RNF122: variants seen among roughly 807,000 people sequenced by gnomAD.
RNF122 encodes ring finger protein 122.
In RNF122, 17 loss-of-function variants were observed where a neutral mutation model predicts 24.2. The observed-to-expected ratio is 0.70, with a 90% CI of 0.48 to 1.06. RNF122 has a LOEUF of 1.06. Among genes scored for constraint, RNF122 ranks in the 50% least tolerant of loss-of-function variants. The pLI is 0.00. For missense variants in RNF122, 168 were observed against 198.1 expected (o/e 0.85, Z 0.91); for synonymous variants, 65 against 71.8 (o/e 0.91, Z 0.48).
At chr8:33,549,829 T>C (rs1810343895) in intron 4 of RNF122, among the ~76,000 whole-genome samples, 3 of 152,160 alleles carry the variant, frequency 2.0e-5, no homozygotes, top group Non-Finnish European at 4.4e-5. Context: ...GAAATTACTG[T>C]CCTAGAAGAA....
At chr8:33,565,080 C>A (rs1258940721) in intron 1 of RNF122, among the ~76,000 whole-genome samples, 2 of 151,956 alleles carry the variant, frequency 1.3e-5, no homozygotes, top group Non-Finnish European at 2.9e-5. Context: ...TGACGTCAGA[C>A]AAGGGCTGGC....
chr8:33,555,339 AT>A (rs1810436228), intron 2 of RNF122, among the ~76,000 whole-genome samples: 2 of 151,154 alleles, frequency 1.3e-5, no homozygotes, highest in African/African-American at 4.9e-5. Context: ...AGTAGCTGGG[AT>A]TACAGGTGCC....
In RNF122 at chr8:33,566,916, G is replaced by A. The variant is rs1810635638; in HGVS notation, c.-193C>T. On this transcript the variant is annotated 5_prime_UTR_variant, in exon 1 of 6. Transcript: ENST00000256257. Reference sequence around the variant, plus strand: ...AGGCTGGTGTTCAGCCCAACAAAGAGGGACGAGGAGGAAACAAACAAAGTC... The same window carrying A: ...AGGCTGGTGTTCAGCCCAACAAAGAAGGACGAGGAGGAAACAAACAAAGTC... The A allele has an allele frequency of 7.9e-6, 5 of 630,288 alleles. No individual in the cohort carries two copies. Among genetic ancestry groups the A allele is most frequent in the Non-Finnish European group, 1.1e-5 (4 of 352,666 alleles). The allele number at this position is 630,288 out of a possible 1,614,324, so 39.0% of individuals were successfully genotyped here.
chr8:33,558,162 C>T (rs544179714), intron 2 of RNF122, among the ~76,000 whole-genome samples: 90 of 152,202 alleles, frequency 5.9e-4, no homozygotes, highest in African/African-American at 1.9e-3. Context: ...CTCTAGACAC[C>T]GGCTTGCTTC....
intron 2 of RNF122, among the ~76,000 whole-genome samples, chr8:33,552,592 GAATATGATCTGGTCTTGGGAC>G (rs1203827823): frequency 2.0e-5 from 3 of 152,102 alleles, no homozygotes; most frequent in African/African-American, 4.8e-5. Context: ...ATAGTCCTGA[GAATATGATCTGGTCTTGGGAC>G]ACACCCTACC....
rs1810628926 is a variant in RNF122 at position 33,566,640 on chromosome 8, C to A, written c.25+59G>T. 3 of 1,552,268 alleles carry A rather than the reference C, an allele frequency of 1.9e-6. No homozygotes were observed. In the South Asian group the frequency reaches 3.5e-5, roughly 18 times the overall value. On this transcript the variant is annotated intron_variant, in intron 1 of 5. Coordinates refer to ENST00000256257, the MANE Select transcript of RNF122 (RefSeq NM_024787.3). ...CAGCGCGCTGCTGTCCGACCTCGCA[C>A]CCCGCGCCGCGGCTCCCACCAGCCC... is the stretch of plus-strand genomic sequence containing the variant.
chr8:33,548,484 G>A lies in RNF122; in HGVS notation c.*269C>T. 2.9e-6 allele frequency: 1 copy of A among 347,312 alleles called. No individual in the cohort carries two copies. 21.5% of individuals were successfully genotyped at this position (347,312 alleles called of 1,614,324 possible). Reference sequence around the variant, plus strand: ...TTCCCCCAGAACAGGGACAAGGCAGGTAGATAGTCCAGTACCAGGAGACAG... The same window carrying A: ...TTCCCCCAGAACAGGGACAAGGCAGATAGATAGTCCAGTACCAGGAGACAG... On this transcript the variant is annotated 3_prime_UTR_variant, in exon 6 of 6. Transcript: ENST00000256257.
At chr8:33,565,101 C>T (rs562770417) in intron 1 of RNF122, among the ~76,000 whole-genome samples, 48 of 151,982 alleles carry the variant, frequency 3.2e-4, no homozygotes, top group African/African-American at 1.2e-3. Flanking sequence ...CAAGAAAGAC[C>T]AGGGGATCTG....
At chr8:33,551,443 G>A in intron 2 of RNF122, 54 bp from the exon 3 acceptor site, 1 of 1,591,188 alleles carries the variant, frequency 6.3e-7, no homozygotes, top group South Asian at 1.1e-5. Context: ...ACAATTCAAA[G>A]CAGGAGAGGC....
At position 33,550,931 on chromosome 8, in the gene RNF122, A is replaced by T. The variant is rs143990832; in HGVS notation, c.270+113T>A. 424 of 957,440 alleles carry T rather than the reference A, an allele frequency of 4.4e-4. 3 individuals are homozygous for T. In the African/African-American group the frequency reaches 5.9e-3, roughly 13 times the overall value. 59.3% of individuals were successfully genotyped at this position (957,440 alleles called of 1,614,324 possible). ...TCTCCATTATTTGGCCAAAGGAGAT[A>T]TGAAGGCATGGACTAAGCAGTTTTC... On this transcript the variant is annotated intron_variant, in intron 4 of 5. Transcript: ENST00000256257.
intron 2 of RNF122, among the ~76,000 whole-genome samples, chr8:33,555,191 T>C (rs2128839264): frequency 6.6e-6 from 1 of 151,884 alleles, no homozygotes; most frequent in Admixed American, 6.6e-5. Flanking sequence ...TTTGTGTTTT[T>C]TTGGGTTTTT....
intron 2 of RNF122, among the ~76,000 whole-genome samples, chr8:33,557,260 G>C (rs1419043882): frequency 1.3e-5 from 2 of 152,166 alleles, no homozygotes; most frequent in Non-Finnish European, 2.9e-5. Flanking sequence ...AATGCCAACA[G>C]TAAACCCCAG....
intron 1 of RNF122, among the ~76,000 whole-genome samples, chr8:33,562,234 T>A (rs1323686396): frequency 6.6e-6 from 1 of 152,044 alleles, no homozygotes; most frequent in Non-Finnish European, 1.5e-5. Flanking sequence ...ATATGGTAAG[T>A]ACTATTAAAA....
chr8:33,555,447 C>T (rs1810437978), intron 2 of RNF122, among the ~76,000 whole-genome samples: 1 of 152,208 alleles, frequency 6.6e-6, no homozygotes, highest in South Asian at 2.1e-4. Flanking sequence ...AGGTGATCCA[C>T]CTGCCTCAGC....
Position 33,566,969 on chromosome 8 carries a change from C to T in RNF122, c.-246G>A, listed in dbSNP as rs1032630931. ...GCGGAGCACAGCCGCACGGAGCGCA[C>T]GCGCCAAGGGCCCCGGGCTGGGGGA... On this transcript the variant is annotated 5_prime_UTR_variant, in exon 1 of 6. In the 5' UTR this introduces an upstream ATG that the reference lacks. Coordinates refer to ENST00000256257, the MANE Select transcript of RNF122 (RefSeq NM_024787.3). 1.9e-6 allele frequency: 1 copy of T among 526,764 alleles called. No individual in the cohort carries two copies. Among genetic ancestry groups the T allele is most frequent in the Non-Finnish European group, 3.4e-6 (1 of 293,558 alleles). 32.6% of individuals were successfully genotyped at this position (526,764 alleles called of 1,614,324 possible). A position where few individuals can be genotyped will look rare whatever the true frequency, so the allele number is the denominator to read the frequency against.
chr8:33,566,876 T>G lies in RNF122; in HGVS notation c.-153A>C, dbSNP rs1359742887. On this transcript the variant is annotated 5_prime_UTR_variant, in exon 1 of 6. Transcript: ENST00000256257. ...TGGAGAAGCCGAACTCCCTCCGGAGTGGGGGGCTTTGACGAGGCTGGTGTT... is the reference window on the plus strand; with the variant it reads ...TGGAGAAGCCGAACTCCCTCCGGAGGGGGGGGCTTTGACGAGGCTGGTGTT... 1 of 785,664 alleles carries G rather than the reference T, an allele frequency of 1.3e-6. No individual in the cohort carries two copies. The highest frequency in any genetic ancestry group is 2.1e-6 in the Non-Finnish European group (1 of 469,318). 48.7% of individuals were successfully genotyped at this position (785,664 alleles called of 1,614,324 possible).
At chr8:33,549,129 G>A in intron 5 of RNF122, among the ~76,000 whole-genome samples, 1 of 151,326 alleles carries the variant, frequency 6.6e-6, no homozygotes, top group Non-Finnish European at 1.5e-5. Flanking sequence ...GCTGAGGCAG[G>A]AGAATCGCTT....
chr8:33,566,153 G>A (rs1810619330), intron 1 of RNF122, among the ~76,000 whole-genome samples: 2 of 151,856 alleles, frequency 1.3e-5, no homozygotes, highest in South Asian at 4.2e-4. Context: ...GCGCCTGGCC[G>A]AAAGCGACTC....
intron 2 of RNF122, among the ~76,000 whole-genome samples, chr8:33,554,279 C>A (rs574815345): frequency 3.9e-5 from 6 of 152,344 alleles, no homozygotes; most frequent in East Asian, 3.9e-4. Flanking sequence ...GTGTTTTTAA[C>A]TGTCTGGGGA....
Sources: allele counts gnomAD v4.1 joint callset (sites outside exome capture counted in the v4.1 genomes callset), GRCh38; gene constraint gnomAD v4.1.1; transcripts MANE v1.5; gene names NCBI Gene and HGNC (gene_info 2026-07-23, HGNC 2026-07-21).